PTGER3: variants seen among roughly 807,000 people sequenced by gnomAD.
PTGER3 encodes prostaglandin E2 receptor EP3 subtype.
Under a neutral mutation model 34.7 loss-of-function variants are expected in PTGER3, and 22 were observed. The observed-to-expected ratio is 0.63, with a 90% CI of 0.45 to 0.91. PTGER3 has a LOEUF of 0.91. Ranked by LOEUF, PTGER3 falls within the 40% of genes least tolerant of loss-of-function variation. The probability of loss-of-function intolerance (pLI) is 0.00; values close to 1 mark genes in which losing one functional copy is unlikely to be tolerated. For synonymous variants in PTGER3, 241 were observed against 230.1 expected, an observed-to-expected ratio of 1.05 and a Z score of -0.43; for missense variants, 468 against 519.4, an observed-to-expected ratio of 0.90 and a Z score of 0.96.
At chr1:70,881,676 C>T (rs1308058082) in intron 4 of PTGER3, among the ~76,000 whole-genome samples, 4 of 152,136 alleles carry the variant, frequency 2.6e-5, no homozygotes, top group Non-Finnish European at 5.9e-5. Flanking sequence ...CAATTATAGT[C>T]TGCTCCTGGG....
chr1:70,973,221 T>TAGATGATA (rs1409727915), intron 3 of PTGER3, among the ~76,000 whole-genome samples: 2 of 137,574 alleles, frequency 1.5e-5, no homozygotes, highest in African/African-American at 5.2e-5. Context: ...GATAGATAGA[T>TAGATGATA]GATAGATAGA....
chr1:70,892,528 TC>T (rs1646639075), intron 4 of PTGER3, among the ~76,000 whole-genome samples: 1 of 152,122 alleles, frequency 6.6e-6, no homozygotes, highest in South Asian at 2.1e-4. Context: ...CATATCCTCA[TC>T]CCCTGTCTTC....
At chr1:70,928,292 G>T (rs535511416) in intron 4 of PTGER3, among the ~76,000 whole-genome samples, 36 of 151,010 alleles carry the variant, frequency 2.4e-4, no homozygotes, top group Non-Finnish European at 4.3e-4. Context: ...ATGTTAATGA[G>T]GTTAAAATAC....
chr1:70,854,709 C>T (rs775573349), intron 4 of PTGER3, among the ~76,000 whole-genome samples: 1 of 152,202 alleles, frequency 6.6e-6, no homozygotes, highest in East Asian at 1.9e-4. Context: ...TGCTTCTGTA[C>T]AGCCTAGGGA....
At chr1:70,949,216 T>G (rs1269274185), downstream of PTGER3, among the ~76,000 whole-genome samples, 1 of 152,160 alleles carries the variant, frequency 6.6e-6, no homozygotes, top group Non-Finnish European at 1.5e-5. Flanking sequence ...GCTCCTCCCT[T>G]AAGAAGTTTA....
chr1:70,930,820 G>A (rs1397784144), intron 4 of PTGER3, among the ~76,000 whole-genome samples: 1 of 152,092 alleles, frequency 6.6e-6, no homozygotes, highest in Admixed American at 6.5e-5. Flanking sequence ...GATGAGATTT[G>A]GGTGGGGACA....
At chr1:70,911,862 A>G (rs532630917) in intron 4 of PTGER3, among the ~76,000 whole-genome samples, 1 of 152,292 alleles carries the variant, frequency 6.6e-6, no homozygotes, top group Admixed American at 6.5e-5. Context: ...CTTTCAGCAC[A>G]TTGCCTTCAT....
downstream of PTGER3, among the ~76,000 whole-genome samples, chr1:70,965,782 T>G (rs1208178948): frequency 6.6e-6 from 1 of 152,180 alleles, no homozygotes; most frequent in Admixed American, 6.5e-5. Flanking sequence ...TTATCCTGTA[T>G]TTTTCATTGT....
intron 1 of PTGER3, among the ~76,000 whole-genome samples, chr1:71,040,109 A>G (rs1163009150): frequency 6.6e-6 from 1 of 151,714 alleles, no homozygotes; most frequent in Non-Finnish European, 1.5e-5. Context: ...GGAAAGAAAG[A>G]AAGAAAGAAA....
chr1:70,972,458 C>T (rs11209723), intron 3 of PTGER3, among the ~76,000 whole-genome samples: 11 of 152,096 alleles, frequency 7.2e-5, no homozygotes, highest in African/African-American at 2.7e-4. Context: ...CGCAAACAGT[C>T]TGTCTACATG....
intron 2 of PTGER3, among the ~76,000 whole-genome samples, chr1:70,989,713 C>T (rs542338751): frequency 1.3e-4 from 20 of 152,094 alleles, no homozygotes; most frequent in Non-Finnish European, 2.8e-4. Flanking sequence ...AATCCAAGTG[C>T]TATATGCAGT....
At chr1:70,852,526 G>A (rs990686271) in exon 5 of PTGER3, 2 of 404,074 alleles carry the variant, frequency 4.9e-6, no homozygotes, top group Non-Finnish European at 4.4e-6. Flanking sequence ...GTTTCAATGT[G>A]GATAAATCTC....
chr1:70,852,414 G>A (rs779897213), exon 5 of PTGER3: 22 of 174,288 alleles, frequency 1.3e-4, no homozygotes, highest in Non-Finnish European at 2.3e-4. Flanking sequence ...TGATGAGTGT[G>A]GAAATAATTT....
downstream of PTGER3, among the ~76,000 whole-genome samples, chr1:70,967,315 G>A (rs1202208249): frequency 6.6e-6 from 1 of 151,182 alleles, no homozygotes; most frequent in African/African-American, 2.4e-5. Context: ...CATTTTTATT[G>A]AGCAATTTCT....
At chr1:70,938,106 G>T (rs1183839902) in intron 4 of PTGER3, among the ~76,000 whole-genome samples, 2 of 152,072 alleles carry the variant, frequency 1.3e-5, no homozygotes, top group Admixed American at 6.6e-5. Context: ...GTGTTTTGGT[G>T]GGGGGTGGGA....
chr1:70,914,480 T>C (rs1016543620), intron 4 of PTGER3, among the ~76,000 whole-genome samples: 4 of 151,874 alleles, frequency 2.6e-5, no homozygotes, highest in African/African-American at 2.4e-5. Flanking sequence ...ATAATAAAAA[T>C]ATAAGCATTT....
chr1:70,868,491 A>G (rs563037941), intron 4 of PTGER3, among the ~76,000 whole-genome samples: 2 of 152,296 alleles, frequency 1.3e-5, no homozygotes, highest in South Asian at 4.1e-4. Flanking sequence ...GCACAAAGTA[A>G]TGTACAAATA....
intron 2 of PTGER3, among the ~76,000 whole-genome samples, chr1:70,995,432 A>C (rs1655847257): frequency 6.6e-6 from 1 of 152,144 alleles, no homozygotes; most frequent in South Asian, 2.1e-4. Flanking sequence ...AGTCTAGGAC[A>C]CTCTACTATC....
intron 4 of PTGER3, among the ~76,000 whole-genome samples, chr1:70,895,327 G>A (rs1646701785): frequency 6.6e-6 from 1 of 152,120 alleles, no homozygotes; most frequent in Admixed American, 6.6e-5. Flanking sequence ...AACAATCCAA[G>A]CTTCATGTGG....
Sources: allele counts gnomAD v4.1 joint callset (sites outside exome capture counted in the v4.1 genomes callset), GRCh38; gene constraint gnomAD v4.1.1; transcripts MANE v1.5; gene names NCBI Gene and HGNC (gene_info 2026-07-23, HGNC 2026-07-21).